CADM1: variants seen among roughly 807,000 people sequenced by gnomAD.
CADM1 encodes the protein TSLC-1.
CADM1 carries 15 observed loss-of-function variants against 53.1 expected under a neutral mutation model. That is an observed-to-expected ratio of 0.28 (90% CI 0.19 to 0.44). The LOEUF (loss-of-function observed/expected upper bound fraction) is 0.44. Ranked by LOEUF, CADM1 falls within the 20% of genes least tolerant of loss-of-function variation. The pLI, the probability that CADM1 is intolerant of heterozygous loss-of-function variation, is 1.00. For missense variants in CADM1, 434 were observed against 611.3 expected (o/e 0.71, Z 3.06); for synonymous variants, 281 against 243.0 (o/e 1.16, Z -1.45).
chr11:115,258,693 A>G (rs1272719612), intron 1 of CADM1, among the ~76,000 whole-genome samples: 1 of 152,250 alleles, frequency 6.6e-6, no homozygotes, highest in Non-Finnish European at 1.5e-5. Context: ...ACCAAGATCA[A>G]TAAGATATCT....
chr11:115,374,016 A>G (rs1475148765), intron 1 of CADM1, among the ~76,000 whole-genome samples: 1 of 152,218 alleles, frequency 6.6e-6, no homozygotes, highest in East Asian at 1.9e-4. Context: ...CACTAAAAAG[A>G]TCTAAAAACA....
chr11:115,454,387 A>G (rs1185330961), intron 1 of CADM1, among the ~76,000 whole-genome samples: 2 of 152,224 alleles, frequency 1.3e-5, no homozygotes, highest in Admixed American at 1.3e-4. Flanking sequence ...AGTGCCTGCA[A>G]AAGATACTTT....
intron 1 of CADM1, among the ~76,000 whole-genome samples, chr11:115,348,188 C>G (rs1451973429): frequency 6.6e-6 from 1 of 152,082 alleles, no homozygotes; most frequent in Non-Finnish European, 1.5e-5. Context: ...CTTACTAAAG[C>G]CACACACATG....
At chr11:115,233,351 T>A (rs1350179502) in intron 3 of CADM1, among the ~76,000 whole-genome samples, 1 of 152,214 alleles carries the variant, frequency 6.6e-6, no homozygotes, top group Admixed American at 6.5e-5. Flanking sequence ...GAGTTTCACA[T>A]CTGCTAGCAT....
chr11:115,243,328 T>C (rs548969827), intron 1 of CADM1, among the ~76,000 whole-genome samples: 1 of 152,316 alleles, frequency 6.6e-6, no homozygotes, highest in South Asian at 2.1e-4. Context: ...TATGTTAACA[T>C]GGTTATAATA....
At chr11:115,268,694 TG>T (rs1943212659) in intron 1 of CADM1, among the ~76,000 whole-genome samples, 1 of 152,204 alleles carries the variant, frequency 6.6e-6, no homozygotes. Flanking sequence ...ATCTTCATAA[TG>T]GTGTTAGCAA....
intron 1 of CADM1, among the ~76,000 whole-genome samples, chr11:115,440,701 C>CTT (rs1198439356): frequency 6.6e-6 from 1 of 152,242 alleles, no homozygotes; most frequent in Non-Finnish European, 1.5e-5. Context: ...AATCACCCAA[C>CTT]TTATCCTTGT....
rs564279697 is a variant in CADM1, at chr11:115,343,972, A to C, written c.125-103552T>G. On this transcript the variant is annotated intron_variant, in intron 1 of 11. Coordinates refer to ENST00000331581, the MANE Select transcript of CADM1 (RefSeq NM_001301043.2). ...AGTCAGTACTAAAATTTGGTAATTA[A>C]TAAACAAGGTAATATTTAAGAGTTT... Among the ~76,000 whole-genome samples the C allele has an allele frequency of 3.3e-5, 5 of 152,296 alleles. No homozygotes were observed. The East Asian group carries it at 7.7e-4, about 24-fold the overall frequency.
chr11:115,452,778 C>T (rs968102113), intron 1 of CADM1, among the ~76,000 whole-genome samples: 1 of 151,992 alleles, frequency 6.6e-6, no homozygotes, highest in South Asian at 2.1e-4. Flanking sequence ...ACTTTTTTTC[C>T]ACCTTTTAAG....
At chr11:115,491,288 G>A (rs1480847859) in intron 1 of CADM1, among the ~76,000 whole-genome samples, 5 of 152,108 alleles carry the variant, frequency 3.3e-5, no homozygotes, top group African/African-American at 7.2e-5. Flanking sequence ...AAAAAAGGCC[G>A]GGCGCAGTGG....
chr11:115,503,964 A>G (rs1949793334), intron 1 of CADM1, among the ~76,000 whole-genome samples: 1 of 151,940 alleles, frequency 6.6e-6, no homozygotes, highest in Admixed American at 6.6e-5. Flanking sequence ...CCCTTCCCCC[A>G]TGCTTTACAG....
intron 5 of CADM1, among the ~76,000 whole-genome samples, chr11:115,219,907 T>C (rs1456270001): frequency 6.6e-6 from 1 of 152,138 alleles, no homozygotes; most frequent in African/African-American, 2.4e-5. Context: ...ACAGAAGACC[T>C]GCTACCTCAC....
chr11:115,272,998 A>G (rs1196632394), intron 1 of CADM1, among the ~76,000 whole-genome samples: 1 of 152,230 alleles, frequency 6.6e-6, no homozygotes, highest in African/African-American at 2.4e-5. Context: ...GGCTGATCAG[A>G]GGCCGTCAAT....
At chr11:115,244,229 T>C (rs1942335689) in intron 1 of CADM1, among the ~76,000 whole-genome samples, 1 of 152,250 alleles carries the variant, frequency 6.6e-6, no homozygotes, top group Admixed American at 6.5e-5. Context: ...TGATTAGTAA[T>C]GACCATGATA....
At chr11:115,306,335 T>C (rs989713727) in intron 1 of CADM1, among the ~76,000 whole-genome samples, 1 of 151,956 alleles carries the variant, frequency 6.6e-6, no homozygotes, top group Admixed American at 6.6e-5. Context: ...AGGAGTGTAG[T>C]AGACTACACC....
intron 1 of CADM1, among the ~76,000 whole-genome samples, chr11:115,288,001 G>A (rs1158478517): frequency 6.6e-6 from 1 of 152,162 alleles, no homozygotes; most frequent in Non-Finnish European, 1.5e-5. Flanking sequence ...TGTGTGGGGA[G>A]GCTGATATTT....
intron 8 of CADM1, among the ~76,000 whole-genome samples, chr11:115,199,951 G>C (rs988560186): frequency 3.9e-5 from 6 of 152,102 alleles, no homozygotes; most frequent in Non-Finnish European, 7.4e-5. Context: ...AAGCTTTTTT[G>C]GGGGGCAAAT....
chr11:115,352,243 C>A lies in CADM1; in HGVS notation c.125-111823G>T, dbSNP rs116858034. On this transcript the variant is annotated intron_variant, in intron 1 of 11. Transcript: ENST00000331581. Reference sequence around the variant, plus strand: ...TCATAACAAAATTGTGACGGAAAGTCTGTCCCAGTTCTATACAAAAGTGGA... The same window carrying A: ...TCATAACAAAATTGTGACGGAAAGTATGTCCCAGTTCTATACAAAAGTGGA... Among the ~76,000 whole-genome samples the A allele has an allele frequency of 1.1e-3, 161 of 152,350 alleles. 3 individuals are homozygous for A. In the East Asian group the frequency reaches 0.026, roughly 24 times the overall value.
chr11:115,304,444 T>C (rs1227123759), intron 1 of CADM1, among the ~76,000 whole-genome samples: 1 of 152,076 alleles, frequency 6.6e-6, no homozygotes. Context: ...CTTAGGATTA[T>C]CTTGCAGAAA....
Sources: gnomAD v4.1 joint callset for allele counts (sites outside exome capture counted in the v4.1 genomes callset) on GRCh38, gnomAD v4.1.1 for gene constraint, MANE v1.5 for transcripts, NCBI Gene and HGNC (gene_info 2026-07-23, HGNC 2026-07-21) for gene names.